Variants in KALRN observed in about 807,000 individuals in gnomAD.
KALRN encodes kalirin.
A neutral mutation model predicts 353.7 loss-of-function variants in KALRN; 70 were observed. The ratio of observed to expected loss-of-function variants is 0.20; its 90% CI spans 0.16 to 0.24. The LOEUF is 0.24. Ranked by LOEUF, KALRN falls within the 10% of genes least tolerant of loss-of-function variation. The pLI, the probability that KALRN is intolerant of heterozygous loss-of-function variation, is 1.00. For synonymous variants in KALRN, 1,391 were observed against 1,434.8 expected, an observed-to-expected ratio of 0.97 and a Z score of 0.69; for missense variants, 2,791 against 3,756.7, an observed-to-expected ratio of 0.74 and a Z score of 6.72.
intron 48 of KALRN, among the ~76,000 whole-genome samples, chr3:124,672,674 A>G (rs1163449866): frequency 6.6e-6 from 1 of 152,196 alleles, no homozygotes; most frequent in Non-Finnish European, 1.5e-5. Context: ...TCAACCATAG[A>G]CTTAGTCTAC....
chr3:124,543,734 T>C (rs959595712), intron 33 of KALRN, among the ~76,000 whole-genome samples: 3 of 152,010 alleles, frequency 2.0e-5, no homozygotes, highest in Non-Finnish European at 2.9e-5. Context: ...CGGCAGTAAT[T>C]AGTAGAAGAG....
At chr3:124,492,124 A>G (rs1224557332) in intron 31 of KALRN, among the ~76,000 whole-genome samples, 2 of 152,214 alleles carry the variant, frequency 1.3e-5, no homozygotes, top group African/African-American at 2.4e-5. Context: ...AACCCCGACA[A>G]AAGCTTCACA....
intron 33 of KALRN, among the ~76,000 whole-genome samples, chr3:124,560,933 G>A (rs1287911729): frequency 1.3e-5 from 2 of 152,174 alleles, no homozygotes; most frequent in Non-Finnish European, 2.9e-5. Context: ...CATGATGTGT[G>A]ATTGAGGGGT....
chr3:124,375,104 G>A (rs1008138398), intron 10 of KALRN, among the ~76,000 whole-genome samples: 1 of 152,172 alleles, frequency 6.6e-6, no homozygotes, highest in Non-Finnish European at 1.5e-5. Context: ...TAGAGAGAGG[G>A]AAATGAGGGA....
At chr3:124,336,050 A>T (rs562947275) in intron 9 of KALRN, among the ~76,000 whole-genome samples, 5 of 152,046 alleles carry the variant, frequency 3.3e-5, no homozygotes, top group Non-Finnish European at 7.4e-5. Flanking sequence ...ACTGACTGTG[A>T]CACTCTCTGA....
chr3:124,321,100 A>G (rs1315498563), intron 6 of KALRN, among the ~76,000 whole-genome samples: 1 of 152,236 alleles, frequency 6.6e-6, no homozygotes, highest in Non-Finnish European at 1.5e-5. Context: ...GGGAAAAGAT[A>G]TGACATTCTT....
At chr3:124,661,001 G>A (rs746940933) in intron 44 of KALRN, 28 bp downstream of exon 44, 11 of 1,521,608 alleles carry the variant, frequency 7.2e-6, no homozygotes, top group Non-Finnish European at 1.0e-5. Context: ...AATGCTTGCT[G>A]TTCTTAGGGA....
chr3:124,037,828 A>C (rs1435787812), intron 1 of KALRN, among the ~76,000 whole-genome samples: 1 of 152,152 alleles, frequency 6.6e-6, no homozygotes, highest in Admixed American at 6.5e-5. Context: ...TAGAGGACTG[A>C]CAGTGTCTGA....
intron 9 of KALRN, among the ~76,000 whole-genome samples, chr3:124,341,791 C>G (rs2081751150): frequency 6.6e-6 from 1 of 152,094 alleles, no homozygotes. Context: ...GTAGTTTCAA[C>G]AGAATAAGAG....
At chr3:124,450,096 A>G (rs941135185) in intron 21 of KALRN, among the ~76,000 whole-genome samples, 21 of 152,162 alleles carry the variant, frequency 1.4e-4, no homozygotes, top group Non-Finnish European at 2.2e-4. Context: ...GAGTTCTACT[A>G]TGTTTAACTT....
At chr3:124,459,782 A>G (rs778729002) in intron 23 of KALRN, among the ~76,000 whole-genome samples, 3 of 152,202 alleles carry the variant, frequency 2.0e-5, no homozygotes, top group South Asian at 2.1e-4. Context: ...GAAGCTCTAT[A>G]TAGTTTATTT....
intron 25 of KALRN, among the ~76,000 whole-genome samples, chr3:124,468,447 C>T (rs2060562614): frequency 6.6e-6 from 1 of 152,162 alleles, no homozygotes; most frequent in Admixed American, 6.5e-5. Flanking sequence ...CCCTGTCAGG[C>T]TGCTGCTACC....
At chr3:124,330,853 C>T (rs186736409) in intron 8 of KALRN, among the ~76,000 whole-genome samples, 8 of 152,250 alleles carry the variant, frequency 5.3e-5, no homozygotes, top group South Asian at 2.1e-4. Context: ...CCACCTGCAT[C>T]GGACTCACCT....
chr3:124,208,494 C>G (rs895067), intron 1 of KALRN, among the ~76,000 whole-genome samples: 143,325 of 152,252 alleles, frequency 0.94, 68,067 homozygotes, highest in East Asian at 1. Context: ...CTCAACTAAA[C>G]CTAGCAATTA....
At chr3:124,112,036 G>A (rs2063028467) in intron 1 of KALRN, among the ~76,000 whole-genome samples, 1 of 152,110 alleles carries the variant, frequency 6.6e-6, no homozygotes, top group African/African-American at 2.4e-5. Context: ...GGGCACGGTG[G>A]CACATGCCTG....
intron 15 of KALRN, among the ~76,000 whole-genome samples, chr3:124,427,943 AC>A: frequency 6.6e-6 from 1 of 152,208 alleles, no homozygotes; most frequent in Middle Eastern, 3.4e-3. Context: ...TTTTCTCTTT[AC>A]CCCATCCCTT....
At chr3:124,503,488 G>A (rs576296067) in intron 33 of KALRN, among the ~76,000 whole-genome samples, 1 of 151,226 alleles carries the variant, frequency 6.6e-6, no homozygotes, top group East Asian at 1.9e-4. Flanking sequence ...TTCAAGTCCA[G>A]AGCTAGGTTT....
intron 10 of KALRN, among the ~76,000 whole-genome samples, chr3:124,362,229 C>T (rs536821244): frequency 6.6e-6 from 1 of 152,322 alleles, no homozygotes; most frequent in South Asian, 2.1e-4. Flanking sequence ...ACAAGAGCAA[C>T]CCACCAGGCA....
intron 1 of KALRN, among the ~76,000 whole-genome samples, chr3:124,203,884 G>A (rs1347715486): frequency 6.6e-6 from 1 of 152,172 alleles, no homozygotes; most frequent in East Asian, 1.9e-4. Context: ...ACTTATACAT[G>A]GATTTTTTCA....
Sources: allele counts gnomAD v4.1 joint callset (sites outside exome capture counted in the v4.1 genomes callset), GRCh38; gene constraint gnomAD v4.1.1; transcripts MANE v1.5; gene names NCBI Gene and HGNC (gene_info 2026-07-23, HGNC 2026-07-21).